Variants in ITSN1 observed in about 807,000 individuals in gnomAD.
The protein encoded by ITSN1 is intersectin 1, also known as intersectin-1.
ITSN1 carries 58 observed loss-of-function variants against 239.8 expected under a neutral mutation model. That is an observed-to-expected ratio of 0.24 (90% confidence interval 0.20 to 0.30). ITSN1 has a LOEUF of 0.30. ITSN1 is among the 10% of genes least tolerant of loss of function. The pLI, the probability that ITSN1 is intolerant of heterozygous loss-of-function variation, is 1.00. For synonymous variants in ITSN1, 780 were observed against 770.8 expected (o/e 1.01, Z -0.20); for missense variants, 1,558 against 2,103.3 (o/e 0.74, Z 5.07).
At chr21:33,766,507 C>T (rs1252101161) in intron 10 of ITSN1, among the ~76,000 whole-genome samples, 2 of 152,224 alleles carry the variant, frequency 1.3e-5, no homozygotes, top group Non-Finnish European at 2.9e-5. Context: ...GACTGGCATC[C>T]TCATTTACAT....
intron 16 of ITSN1, among the ~76,000 whole-genome samples, chr21:33,784,395 TG>T: frequency 6.6e-6 from 1 of 151,432 alleles, no homozygotes; most frequent in African/African-American, 2.4e-5. Flanking sequence ...CCCAGCTACT[TG>T]GGAAGCTGAG....
chr21:33,772,105 C>T lies in ITSN1; in HGVS notation c.1087C>T (p.Leu363=), dbSNP rs1327903859. The T allele has an allele frequency of 1.2e-6, 2 of 1,614,058 alleles. No individual in the cohort carries two copies. Among genetic ancestry groups the T allele is most frequent in the Non-Finnish European group, 1.7e-6 (2 of 1,180,032 alleles). The change falls in exon 12 of 40, where the codon CTG becomes TTG. Residue 363 remains leucine, a synonymous_variant. Coordinates refer to ENST00000381318, the MANE Select transcript of ITSN1 (RefSeq NM_003024.3). ...KKRENFERGN[L]ELEKRRQALL... ...GCGGGAGAACTTTGAACGTGGCAAC[C>T]TGGAACTGGAGAAACGAAGGCAAGC...
At chr21:33,834,274 TAA>T in intron 27 of ITSN1, 31 bp from the exon 28 acceptor site, 1 of 1,518,768 alleles carries the variant, frequency 6.6e-7, no homozygotes, top group Non-Finnish European at 9.1e-7. Context: ...GATGCGCCTT[TAA>T]AAATGTTTGA....
At chr21:33,826,559 G>A (rs1269288347) in intron 25 of ITSN1, among the ~76,000 whole-genome samples, 1 of 152,178 alleles carries the variant, frequency 6.6e-6, no homozygotes, top group African/African-American at 2.4e-5. Flanking sequence ...GCCTGTGCTT[G>A]GAGCCCTCTG....
intron 26 of ITSN1, among the ~76,000 whole-genome samples, chr21:33,828,473 G>A (rs558598499): frequency 6.6e-6 from 1 of 152,328 alleles, no homozygotes; most frequent in East Asian, 1.9e-4. Context: ...CCTGGTGGCC[G>A]ACCCCTGATA....
chr21:33,889,513 T>G lies in ITSN1; in HGVS notation c.*1213T>G, dbSNP rs1986211768. 6.6e-6 allele frequency: 1 copy of G among 152,190 alleles called. No homozygotes were observed. 9.4% of individuals were successfully genotyped at this position (152,190 alleles called of 1,614,324 possible). On this transcript the variant is annotated 3_prime_UTR_variant, in exon 40 of 40. Coordinates refer to ENST00000381318, the MANE Select transcript of ITSN1 (RefSeq NM_003024.3). ...TGACTATGTGCCAAGCTGTTTGGTTTGAGTTCTTTAATTTTTTTTTCCCTT... is the reference window on the plus strand; with the variant it reads ...TGACTATGTGCCAAGCTGTTTGGTTGGAGTTCTTTAATTTTTTTTTCCCTT...
chr21:33,668,292 G>A (rs2090049974), intron 1 of ITSN1, among the ~76,000 whole-genome samples: 2 of 152,186 alleles, frequency 1.3e-5, no homozygotes, highest in Non-Finnish European at 2.9e-5. Context: ...TCATATTATT[G>A]AAACGCAATT....
At chr21:33,751,716 C>T (rs2067567187) in intron 6 of ITSN1, 94 bp from the exon 7 acceptor site, 3 of 925,492 alleles carry the variant, frequency 3.2e-6, no homozygotes, top group Admixed American at 4.1e-5. Flanking sequence ...TTATTTCTGC[C>T]TCAGATTTGT....
At position 33,714,119 on chromosome 21, in the gene ITSN1, C is replaced by T. The variant is rs553363630; in HGVS notation, c.-32-4678C>T. ...TGCTGGAATTACAGGCGTGAGCCAC[C>T]GCCCCTGGCCCAGCCTCATCTTTAA... On this transcript the variant is annotated intron_variant, in intron 1 of 39. Coordinates refer to ENST00000381318, the MANE Select transcript of ITSN1 (RefSeq NM_003024.3). Among the ~76,000 whole-genome samples the T allele has an allele frequency of 2.7e-4, 41 of 149,316 alleles. No individual in the cohort carries two copies. In the East Asian group the frequency reaches 3.4e-3, roughly 12 times the overall value.
Position 33,897,277 on chromosome 21 carries a change from G to A in ITSN1, c.*8977G>A, listed in dbSNP as rs79932110. ...TGTAGCCCCGCAAGCCGGAGTCTGT[G>A]CCCTCCATGACCCTTCTTATCCCTT... is the stretch of plus-strand genomic sequence containing the variant. On this transcript the variant is annotated 3_prime_UTR_variant, in exon 40 of 40. Transcript: ENST00000381318. 12,424 of 152,384 alleles carry A rather than the reference G, an allele frequency of 0.082. 734 individuals are homozygous for A. The highest frequency in any genetic ancestry group is 0.24 in the East Asian group (1,252 of 5,164). 9.4% of individuals were successfully genotyped at this position (152,384 alleles called of 1,614,324 possible).
chr21:33,709,420 TC>T (rs1451026774), intron 1 of ITSN1, among the ~76,000 whole-genome samples: 1 of 152,150 alleles, frequency 6.6e-6, no homozygotes, highest in Non-Finnish European at 1.5e-5. Flanking sequence ...TTTTCATGCC[TC>T]AGCCTCCCAA....
intron 1 of ITSN1, among the ~76,000 whole-genome samples, chr21:33,681,315 T>C (rs897164122): frequency 2.0e-5 from 3 of 152,224 alleles, no homozygotes; most frequent in Non-Finnish European, 4.4e-5. Flanking sequence ...TCAAGCTTCA[T>C]GAGAACGAGA....
In ITSN1 at chr21:33,728,624, A is replaced by G. The variant is rs181853701; in HGVS notation, c.185+5973A>G. ...TATAATTCAGTTGCTCTAGTTCCTC[A>G]CATCGCAGGTTCATTGCCTTTCAGG... On this transcript the variant is annotated intron_variant, in intron 4 of 39. Transcript: ENST00000381318. Among the ~76,000 whole-genome samples, 27 of 152,176 alleles carry G rather than the reference A, an allele frequency of 1.8e-4. 1 individual carries two copies. The highest frequency in any genetic ancestry group is 5.3e-4 in the African/African-American group (22 of 41,528).
intron 33 of ITSN1, among the ~76,000 whole-genome samples, chr21:33,868,106 T>A (rs1981985683): frequency 6.6e-6 from 1 of 152,302 alleles, no homozygotes; most frequent in South Asian, 2.1e-4. Context: ...CCTGCTTTTA[T>A]TCTCTTATCT....
chr21:33,829,199 C>T (rs1349292177), intron 26 of ITSN1: 4 of 363,874 alleles, frequency 1.1e-5, no homozygotes, highest in Non-Finnish European at 2.1e-5. Context: ...CTATTGAGTC[C>T]TTTAGTCACT....
intron 20 of ITSN1, 152 bp from the exon 21 acceptor site, chr21:33,810,823 C>A: frequency 1.1e-6 from 1 of 904,568 alleles, no homozygotes; most frequent in Non-Finnish European, 1.9e-6. Context: ...ACTGCTTAGA[C>A]TCTTTTCCCA....
At chr21:33,861,422 A>G (rs1290850027) in intron 31 of ITSN1, among the ~76,000 whole-genome samples, 1 of 152,154 alleles carries the variant, frequency 6.6e-6, no homozygotes, top group Non-Finnish European at 1.5e-5. Flanking sequence ...TAGGGCAGTT[A>G]TCAAACAAGT....
rs1986391033 is a variant in ITSN1 at position 33,891,942 on chromosome 21, A to G, written c.*3642A>G. Reference sequence around the variant, plus strand: ...GAATTTCCATTGGAAACAAAGTATGATTTGATTTGATTTGATTTCTAAGTT... The same window carrying G: ...GAATTTCCATTGGAAACAAAGTATGGTTTGATTTGATTTGATTTCTAAGTT... On this transcript the variant is annotated 3_prime_UTR_variant, in exon 40 of 40. Transcript: ENST00000381318. 1 of 152,076 alleles carries G rather than the reference A, an allele frequency of 6.6e-6. No individual in the cohort carries two copies. Among genetic ancestry groups the G allele is most frequent in the South Asian group, 2.1e-4 (1 of 4,816 alleles). 9.4% of individuals were successfully genotyped at this position (152,076 alleles called of 1,614,324 possible). A position where few individuals can be genotyped will look rare whatever the true frequency, so the allele number is the denominator to read the frequency against.
chr21:33,881,275 C>T (rs1041408974), intron 34 of ITSN1, among the ~76,000 whole-genome samples: 30 of 151,994 alleles, frequency 2.0e-4, no homozygotes, highest in East Asian at 7.7e-4. Flanking sequence ...GGCGTGGTCG[C>T]GAGCACCTGT....
Sources: allele counts gnomAD v4.1 joint callset (sites outside exome capture counted in the v4.1 genomes callset), GRCh38; gene constraint gnomAD v4.1.1; transcripts MANE v1.5; gene names NCBI Gene and HGNC (gene_info 2026-07-23, HGNC 2026-07-21).